CBFB: variants seen among roughly 807,000 people sequenced by gnomAD.
CBFB encodes the protein core-binding factor subunit beta.
In CBFB, 9 loss-of-function variants were observed where a neutral mutation model predicts 30.4. The ratio of observed to expected loss-of-function variants is 0.30; its 90% CI spans 0.18 to 0.52. The LOEUF (loss-of-function observed/expected upper bound fraction) is 0.52, where lower values mean the gene tolerates loss of function less well. Ranked by LOEUF, CBFB falls within the 20% of genes least tolerant of loss-of-function variation. CBFB has a pLI of 0.97. For missense variants in CBFB, 170 were observed against 244.0 expected (o/e 0.70, Z 2.02); for synonymous variants, 94 against 84.0 (o/e 1.12, Z -0.65).
chr16:67,044,611 T>A (rs1966592055), intron 3 of CBFB, among the ~76,000 whole-genome samples: 1 of 152,200 alleles, frequency 6.6e-6, no homozygotes, highest in Admixed American at 6.5e-5. Context: ...CAAGATTGGA[T>A]TTAATGAGTG....
chr16:67,085,880 G>A (rs897610315), intron 5 of CBFB, among the ~76,000 whole-genome samples: 100 of 151,660 alleles, frequency 6.6e-4, no homozygotes, highest in African/African-American at 1.1e-3. Context: ...GGGTTTCACC[G>A]TGTTAGCCAG....
intron 4 of CBFB, among the ~76,000 whole-genome samples, chr16:67,077,597 C>T (rs1259444344): frequency 2.6e-5 from 4 of 151,660 alleles, no homozygotes; most frequent in African/African-American, 9.7e-5. Context: ...CATTCTGGTC[C>T]CCACAGAGAA....
chr16:67,037,598 AT>A (rs1966463462), intron 3 of CBFB, among the ~76,000 whole-genome samples: 1 of 152,064 alleles, frequency 6.6e-6, no homozygotes, highest in South Asian at 2.1e-4. Context: ...AGATACAAAA[AT>A]ATAGGTAAAA....
At position 67,093,466 on chromosome 16, in the gene CBFB, C is replaced by T. The variant is rs1053778910; in HGVS notation, c.496-5244C>T. ...CATTCTGGATACCCCCTCCTCGTGG[C>T]TGTTTCTGCATAGCTCTGACCAGTA... On this transcript the variant is annotated intron_variant, in intron 5 of 5. Coordinates refer to ENST00000412916, the MANE Select transcript of CBFB (RefSeq NM_022845.3). 2.8e-5 allele frequency: 4 copies of T among 141,700 alleles called. No homozygotes were observed. The Admixed American group carries it at 3.0e-4, about 11-fold the overall frequency. The allele number at this position is 141,700 out of a possible 1,614,324, so 8.8% of individuals were successfully genotyped here.
At chr16:67,048,990 T>C (rs1966687274) in intron 3 of CBFB, among the ~76,000 whole-genome samples, 1 of 151,356 alleles carries the variant, frequency 6.6e-6, no homozygotes, top group African/African-American at 2.4e-5. Context: ...TGGCTAATTT[T>C]TTGTATTTTT....
At chr16:67,056,684 CT>C (rs563093554) in intron 3 of CBFB, among the ~76,000 whole-genome samples, 5,787 of 134,874 alleles carry the variant, frequency 0.043, 123 homozygotes, top group South Asian at 0.082. Flanking sequence ...TTCTAGCAGG[CT>C]TTTTTTTTTT....
chr16:67,033,816 G>A (rs980303814), intron 2 of CBFB, among the ~76,000 whole-genome samples: 8 of 111,142 alleles, frequency 7.2e-5, no homozygotes, highest in African/African-American at 1.7e-4. Context: ...GAGTTTCACC[G>A]TTGTTTTTTT....
At chr16:67,034,156 A>G (rs1168586036) in intron 2 of CBFB, among the ~76,000 whole-genome samples, 2 of 152,198 alleles carry the variant, frequency 1.3e-5, no homozygotes, top group African/African-American at 2.4e-5. Context: ...TGTAGTTAAG[A>G]ATGTTGGAGA....
At chr16:67,038,346 A>G (rs938187050) in intron 3 of CBFB, among the ~76,000 whole-genome samples, 2 of 151,594 alleles carry the variant, frequency 1.3e-5, no homozygotes. Context: ...ATATATGTAT[A>G]TATGTGTGTG....
At position 67,097,367 on chromosome 16, in the gene CBFB, G is replaced by T. The variant is rs569371814; in HGVS notation, c.496-1343G>T. 1.2e-4 allele frequency among the ~76,000 whole-genome samples: 18 copies of T among 151,942 alleles called. No individual in the cohort carries two copies. The South Asian group carries it at 3.7e-3, about 32-fold the overall frequency. On this transcript the variant is annotated intron_variant, in intron 5 of 5. Transcript: ENST00000412916. ...TCGAGACCAGCCTAACCAACGTGGA[G>T]AAACCCCATCTCTACTAAAACTACA... is the stretch of plus-strand genomic sequence containing the variant.
chr16:67,051,968 AATAT>A (rs758211111), intron 3 of CBFB, among the ~76,000 whole-genome samples: 3 of 150,056 alleles, frequency 2.0e-5, no homozygotes, highest in Non-Finnish European at 4.4e-5. Flanking sequence ...TAGCAATAGG[AATAT>A]ATATATATAT....
intron 3 of CBFB, among the ~76,000 whole-genome samples, chr16:67,048,173 C>T (rs1966664834): frequency 6.6e-6 from 1 of 152,026 alleles, no homozygotes; most frequent in South Asian, 2.1e-4. Context: ...GCCTGGGAGG[C>T]AAAGGTTGCA....
At chr16:67,033,975 C>T (rs994608057) in intron 2 of CBFB, among the ~76,000 whole-genome samples, 1 of 151,956 alleles carries the variant, frequency 6.6e-6, no homozygotes, top group Admixed American at 6.6e-5. Context: ...ATTACAGGCG[C>T]ACACCACCAC....
At chr16:67,095,046 T>C (rs935055774) in intron 5 of CBFB, among the ~76,000 whole-genome samples, 1 of 151,048 alleles carries the variant, frequency 6.6e-6, no homozygotes, top group East Asian at 2.0e-4. Flanking sequence ...GGTGAAACCC[T>C]GTCTCTACTA....
chr16:67,083,827 TATTC>T (rs1218042212), intron 5 of CBFB, among the ~76,000 whole-genome samples: 1 of 152,128 alleles, frequency 6.6e-6, no homozygotes, highest in Admixed American at 6.6e-5. Context: ...TAAAAATTAA[TATTC>T]AAAGTATATA....
intron 3 of CBFB, among the ~76,000 whole-genome samples, chr16:67,047,672 T>C (rs908380115): frequency 2.0e-5 from 3 of 152,236 alleles, no homozygotes; most frequent in Non-Finnish European, 4.4e-5. Context: ...AATGAGCCAT[T>C]TGGGAGAACC....
At chr16:67,064,962 A>G (rs1251306447) in intron 3 of CBFB, among the ~76,000 whole-genome samples, 1 of 152,078 alleles carries the variant, frequency 6.6e-6, no homozygotes, top group Non-Finnish European at 1.5e-5. Context: ...CAGTGGCACT[A>G]TCTCGGCTCA....
intron 5 of CBFB, among the ~76,000 whole-genome samples, chr16:67,096,784 C>T (rs1375332807): frequency 1.3e-5 from 2 of 151,716 alleles, no homozygotes; most frequent in Non-Finnish European, 2.9e-5. Flanking sequence ...ACCATCCTGG[C>T]TAACACAAAG....
intron 4 of CBFB, among the ~76,000 whole-genome samples, chr16:67,071,912 T>C (rs1029099782): frequency 1.3e-5 from 2 of 152,204 alleles, no homozygotes; most frequent in African/African-American, 4.8e-5. Context: ...CCTCTTTCAC[T>C]GGGCTGGAAT....
Sources: gnomAD v4.1 joint callset for allele counts (sites outside exome capture counted in the v4.1 genomes callset) on GRCh38, gnomAD v4.1.1 for gene constraint, MANE v1.5 for transcripts, NCBI Gene and HGNC (gene_info 2026-07-23, HGNC 2026-07-21) for gene names.